The following SPATA13 variants were observed in gnomAD, a reference collection of about 807,000 sequenced individuals.
SPATA13 encodes the protein spermatogenesis-associated protein 13.
A neutral mutation model predicts 104.0 loss-of-function variants in SPATA13; 50 were observed. The observed-to-expected ratio is 0.48, with a 90% CI of 0.38 to 0.61. The LOEUF is 0.61. Among genes scored for constraint, SPATA13 ranks in the 20% least tolerant of loss-of-function variants. The probability of loss-of-function intolerance (pLI) is 0.00; values close to 1 mark genes in which losing one functional copy is unlikely to be tolerated. For missense variants in SPATA13, 1,524 were observed against 1,690.6 expected (o/e 0.90, Z 1.73); for synonymous variants, 606 against 667.5 (o/e 0.91, Z 1.42).
intron 3 of SPATA13, among the ~76,000 whole-genome samples, chr13:24,106,337 A>G (rs1006099552): frequency 6.6e-6 from 1 of 152,176 alleles, no homozygotes; most frequent in Non-Finnish European, 1.5e-5. Flanking sequence ...CTGGCCTAAG[A>G]TTTCTAATTA....
chr13:24,042,011 T>C (rs558734359), intron 3 of SPATA13, among the ~76,000 whole-genome samples: 6 of 152,340 alleles, frequency 3.9e-5, no homozygotes, highest in African/African-American at 1.4e-4. Context: ...GGGAATTCCT[T>C]GCTCTTGGTT....
chr13:24,107,860 G>A (rs1321081630), intron 3 of SPATA13, among the ~76,000 whole-genome samples: 1 of 152,204 alleles, frequency 6.6e-6, no homozygotes, highest in East Asian at 1.9e-4. Flanking sequence ...TTTAAGTCCT[G>A]TTATGGAAGA....
Position 24,113,237 on chromosome 13 carries a change from T to A in SPATA13, c.-112+95536T>A, listed in dbSNP as rs557802779. ...TTTTTACATCAGTTATTTAATATCC[T>A]AGGCAAAAGTTACTTTGGTTCAAAT... On this transcript the variant is annotated intron_variant, in intron 3 of 14. Transcript: ENST00000424834. Among the ~76,000 whole-genome samples the A allele has an allele frequency of 4.6e-5, 7 of 152,380 alleles. No individual in the cohort carries two copies. The South Asian group carries it at 1.4e-3, about 32-fold the overall frequency.
intron 5 of SPATA13, among the ~76,000 whole-genome samples, chr13:24,284,766 A>G (rs1875801816): frequency 6.6e-6 from 1 of 152,182 alleles, no homozygotes; most frequent in Non-Finnish European, 1.5e-5. Flanking sequence ...TAGGTAAGGA[A>G]CAGCAGCTCC....
At chr13:24,277,307 G>A (rs955225152) in intron 4 of SPATA13, among the ~76,000 whole-genome samples, 2 of 151,986 alleles carry the variant, frequency 1.3e-5, no homozygotes, top group African/African-American at 2.4e-5. Context: ...AGCTGGGTGT[G>A]GTGGCGGGCG....
chr13:24,056,589 C>T (rs1878552913), intron 3 of SPATA13, among the ~76,000 whole-genome samples: 1 of 152,144 alleles, frequency 6.6e-6, no homozygotes, highest in Non-Finnish European at 1.5e-5. Context: ...ACTGCTGCAC[C>T]CACAGAGCCC....
chr13:24,102,104 C>T (rs999283822), intron 3 of SPATA13, among the ~76,000 whole-genome samples: 19 of 152,174 alleles, frequency 1.2e-4, no homozygotes, highest in African/African-American at 4.3e-4. Flanking sequence ...ACTAACAGCG[C>T]GTAGGGTTCC....
intron 3 of SPATA13, among the ~76,000 whole-genome samples, chr13:24,110,918 CTTTTTAT>C (rs141512439): frequency 2.6e-5 from 4 of 152,048 alleles, no homozygotes; most frequent in East Asian, 1.9e-4. Flanking sequence ...TTGATTATCT[CTTTTTAT>C]TTTTTATTTT....
intron 3 of SPATA13, among the ~76,000 whole-genome samples, chr13:24,026,743 A>G (rs745838606): frequency 2.7e-4 from 41 of 151,942 alleles, no homozygotes; most frequent in Admixed American, 7.9e-4. Context: ...ACGTCCAGCT[A>G]ATTTTTTGTA....
At chr13:24,137,648 A>G (rs147215304) in intron 3 of SPATA13, among the ~76,000 whole-genome samples, 1 of 152,020 alleles carries the variant, frequency 6.6e-6, no homozygotes, top group African/African-American at 2.4e-5. Context: ...AATCCCAGCT[A>G]CTTGTGCGGC....
chr13:24,083,860 GA>G lies in SPATA13; in HGVS notation c.-112+66165del, dbSNP rs928724280. Among the ~76,000 whole-genome samples the G allele has an allele frequency of 1.0e-3, 159 of 152,238 alleles. 1 individual carries two copies. The highest frequency in any genetic ancestry group is 3.1e-3 in the African/African-American group (129 of 41,544). The stretch of plus-strand genomic sequence containing the variant: ...GCTGCTCCTTCCCTTGTCACTGGGG[GA>G]AAAAACCCCCGTCTGGAGATGCAGG... On this transcript the variant is annotated intron_variant, in intron 3 of 14. Coordinates refer to the SPATA13 transcript ENST00000424834.
chr13:24,066,123 A>G (rs961128556), intron 3 of SPATA13, among the ~76,000 whole-genome samples: 8 of 152,218 alleles, frequency 5.3e-5, no homozygotes, highest in African/African-American at 1.7e-4. Context: ...CCTATATTGT[A>G]CCTTTAGGTT....
intron 3 of SPATA13, among the ~76,000 whole-genome samples, chr13:24,027,735 A>G (rs1018123469): frequency 1.3e-5 from 2 of 152,154 alleles, no homozygotes; most frequent in Admixed American, 6.5e-5. Flanking sequence ...CCTTAGTTTC[A>G]TATACTCGAA....
chr13:24,276,306 T>C (rs1329522287), intron 4 of SPATA13, among the ~76,000 whole-genome samples: 1 of 152,166 alleles, frequency 6.6e-6, no homozygotes, highest in Non-Finnish European at 1.5e-5. Context: ...AACCAAACAA[T>C]GGAATATTAT....
At chr13:24,029,991 A>T (rs112545598) in intron 3 of SPATA13, among the ~76,000 whole-genome samples, 5,513 of 151,990 alleles carry the variant, frequency 0.036, 325 homozygotes, top group African/African-American at 0.13. Flanking sequence ...TTCCATGGGA[A>T]TTCATAGCAA....
At chr13:24,220,903 A>C (rs993352879) in intron 1 of SPATA13, among the ~76,000 whole-genome samples, 16 of 152,218 alleles carry the variant, frequency 1.1e-4, no homozygotes, top group African/African-American at 3.9e-4. Context: ...TTCTGTTTGC[A>C]TGGGGTCAGA....
At chr13:24,268,685 G>A (rs1481419127) in intron 4 of SPATA13, among the ~76,000 whole-genome samples, 1 of 152,208 alleles carries the variant, frequency 6.6e-6, no homozygotes, top group Non-Finnish European at 1.5e-5. Context: ...CTTGAACCCA[G>A]GAGGTGGAGG....
chr13:23,994,456 T>C (rs976310314), intron 2 of SPATA13, among the ~76,000 whole-genome samples: 1 of 152,196 alleles, frequency 6.6e-6, no homozygotes, highest in Admixed American at 6.5e-5. Flanking sequence ...GGCAGAACTT[T>C]CTGTTAGAAT....
intron 2 of SPATA13, among the ~76,000 whole-genome samples, chr13:23,992,102 G>A (rs1875442121): frequency 1.3e-5 from 2 of 152,172 alleles, no homozygotes; most frequent in Admixed American, 1.3e-4. Context: ...CCCATTTGCA[G>A]TGAGATTTCT....
Sources: gnomAD v4.1 joint callset for allele counts (sites outside exome capture counted in the v4.1 genomes callset) on GRCh38, gnomAD v4.1.1 for gene constraint, MANE v1.5 for transcripts, NCBI Gene and HGNC (gene_info 2026-07-23, HGNC 2026-07-21) for gene names.